Variants in CFAP99 observed in about 807,000 individuals in gnomAD.
CFAP99 encodes cilia and flagella associated protein 99, also known as cilia- and flagella-associated protein 99.
CFAP99 carries 84 observed loss-of-function variants against 82.7 expected under a neutral mutation model. That is an observed-to-expected ratio of 1.02 (90% confidence interval 0.85 to 1.22). CFAP99 has a LOEUF of 1.22. Among genes scored for constraint, CFAP99 ranks in the 50% most tolerant of loss-of-function variants. The pLI, the probability that CFAP99 is intolerant of heterozygous loss-of-function variation, is 0.00. For missense variants in CFAP99, 1,059 were observed against 983.5 expected (o/e 1.08, Z -1.03); for synonymous variants, 456 against 429.5 (o/e 1.06, Z -0.76).
intron 1 of CFAP99, among the ~76,000 whole-genome samples, chr4:2,423,960 C>T (rs1008384698): frequency 1.2e-4 from 19 of 152,246 alleles, no homozygotes; most frequent in African/African-American, 4.6e-4. Context: ...GCCAGAGGCT[C>T]ATGCTCGCTT....
At chr4:2,440,742 G>A (rs960187413) in intron 4 of CFAP99, among the ~76,000 whole-genome samples, 17 of 151,338 alleles carry the variant, frequency 1.1e-4, no homozygotes, top group Non-Finnish European at 2.2e-4. Context: ...ACAGGCGCCC[G>A]CCACCACACC....
chr4:2,459,029 C>A, intron 12 of CFAP99, 78 bp from the exon 13 acceptor site: 2 of 1,450,878 alleles, frequency 1.4e-6, no homozygotes, highest in Non-Finnish European at 1.8e-6. Flanking sequence ...GGCTGGGGAA[C>A]CCTGGGGGAG....
intron 5 of CFAP99, among the ~76,000 whole-genome samples, chr4:2,443,599 G>C (rs1734100393): frequency 6.6e-6 from 1 of 152,220 alleles, no homozygotes; most frequent in African/African-American, 2.4e-5. Flanking sequence ...GGCTGCGTCA[G>C]TGGTTCTAGT....
At chr4:2,458,047 A>T (rs1335400106) in intron 11 of CFAP99, among the ~76,000 whole-genome samples, 1 of 151,940 alleles carries the variant, frequency 6.6e-6, no homozygotes, top group Admixed American at 6.6e-5. Context: ...CCACGTTCCC[A>T]AAGAGCCAGG....
intron 4 of CFAP99, among the ~76,000 whole-genome samples, chr4:2,439,665 A>T (rs1578471466): frequency 6.6e-6 from 1 of 152,200 alleles, no homozygotes; most frequent in East Asian, 1.9e-4. Context: ...TTGTATAGTT[A>T]CCTTAAGCAA....
At chr4:2,440,277 G>A (rs1410094234) in intron 4 of CFAP99, among the ~76,000 whole-genome samples, 3 of 146,116 alleles carry the variant, frequency 2.1e-5, no homozygotes, top group Non-Finnish European at 4.5e-5. Context: ...CTCCCAAGTA[G>A]CTGGGACTAC....
intron 3 of CFAP99, among the ~76,000 whole-genome samples, chr4:2,437,821 G>A (rs1051309161): frequency 6.6e-6 from 1 of 152,218 alleles, no homozygotes; most frequent in African/African-American, 2.4e-5. Flanking sequence ...TTTTACCTGG[G>A]GAGCCTTTGC....
intron 1 of CFAP99, among the ~76,000 whole-genome samples, chr4:2,423,833 G>A (rs1050999629): frequency 3.3e-5 from 5 of 151,460 alleles, no homozygotes; most frequent in African/African-American, 9.7e-5. Context: ...CATCAGGACC[G>A]CACTGGCGCA....
chr4:2,462,155 T>TCAAA lies in CFAP99; in HGVS notation c.1662-272_1662-269dup, dbSNP rs564490617. On this transcript the variant is annotated intron_variant, in intron 14 of 14. Transcript: ENST00000635017. The surrounding 1 kb of genome is among the most constrained non-coding windows in gnomAD (Gnocchi z 4.1). ...CTGGGCGACAGAGTGAGACCCTGCC[T>TCAAA]CAAACAAACAAACAAACAACAACAA... The TCAAA allele has an allele frequency of 7.9e-4, 209 of 263,940 alleles. No homozygotes were observed. The highest frequency in any genetic ancestry group is 4.3e-3 in the African/African-American group (191 of 44,474). 16.3% of individuals were successfully genotyped at this position (263,940 alleles called of 1,614,324 possible).
intron 5 of CFAP99, among the ~76,000 whole-genome samples, chr4:2,443,838 C>A (rs934566299): frequency 1.3e-5 from 2 of 152,212 alleles, no homozygotes; most frequent in African/African-American, 4.8e-5. Flanking sequence ...AACCCCCAGG[C>A]AGAGGGGTCA....
intron 11 of CFAP99, among the ~76,000 whole-genome samples, chr4:2,457,950 C>A (rs1734474802): frequency 6.6e-6 from 1 of 152,234 alleles, no homozygotes; most frequent in South Asian, 2.1e-4. Context: ...AGGGAGCTGC[C>A]AGGGTGGCAG....
intron 14 of CFAP99, among the ~76,000 whole-genome samples, chr4:2,461,572 C>T (rs979239560): frequency 2.6e-5 from 4 of 152,160 alleles, no homozygotes; most frequent in South Asian, 2.1e-4. Context: ...CTGCTGGCCA[C>T]GGCCTGGCAG....
exon 3 of CFAP99, chr4:2,436,973 G>C: frequency 6.5e-7 from 1 of 1,536,074 alleles, no homozygotes; most frequent in Non-Finnish European, 8.7e-7. Context: ...CTTCTACGTG[G>C]AGGATGGCCG....
chr4:2,438,897 A>T (rs1308700), intron 4 of CFAP99, among the ~76,000 whole-genome samples: 1 of 152,088 alleles, frequency 6.6e-6, no homozygotes, highest in Non-Finnish European at 1.5e-5. Context: ...CTCATAATCA[A>T]ATCCGAGGCC....
intron 4 of CFAP99, 85 bp downstream of exon 4, chr4:2,438,249 T>G: frequency 1.2e-6 from 1 of 809,228 alleles, no homozygotes; most frequent in East Asian, 2.7e-5. Flanking sequence ...TCATTCTGGT[T>G]GGGTTGTTTT....
intron 1 of CFAP99, among the ~76,000 whole-genome samples, chr4:2,421,799 T>C (rs994483380): frequency 1.7e-4 from 26 of 151,208 alleles, no homozygotes; most frequent in Non-Finnish European, 3.5e-4. Context: ...AGCTGAACTT[T>C]GGAATGCTCA....
chr4:2,432,368 G>A (rs114508137), intron 2 of CFAP99, among the ~76,000 whole-genome samples: 4,291 of 152,342 alleles, frequency 0.028, 73 homozygotes, highest in Non-Finnish European at 0.042. Context: ...ATCAAGGAGA[G>A]TTGCAAAATA....
At chr4:2,429,100 T>G (rs1015642241) in intron 2 of CFAP99, 1 of 152,416 alleles carries the variant, frequency 6.6e-6, no homozygotes, top group Non-Finnish European at 1.5e-5. Context: ...CCAGCTGCAC[T>G]GGTCTCCTAG....
Position 2,451,251 on chromosome 4 carries a change from C to A in CFAP99, c.868-13C>A. 1 of 1,535,990 alleles carries A rather than the reference C, an allele frequency of 6.5e-7. No individual in the cohort carries two copies. Among genetic ancestry groups the A allele is most frequent in the Non-Finnish European group, 8.7e-7 (1 of 1,146,812 alleles). ...CCTCAAGCCCCCACCACAGCCAGTC[C>A]CCAATCCCGCAGCCTGACAACATCC... On this transcript the variant is annotated splice_polypyrimidine_tract_variant and intron_variant, in intron 9 of 14. Coordinates refer to ENST00000635017, the Ensembl canonical transcript of CFAP99.
Sources: gnomAD v4.1 joint callset for allele counts (sites outside exome capture counted in the v4.1 genomes callset) on GRCh38, gnomAD v4.1.1 for gene constraint, Gnocchi (gnomAD v3.1) non-coding constraint, MANE v1.5 for transcripts, NCBI Gene and HGNC (gene_info 2026-07-23, HGNC 2026-07-21) for gene names.